Variants in ATRNL1 observed in about 807,000 individuals in gnomAD.
ATRNL1 encodes attractin like 1.
ATRNL1 carries 95 observed loss-of-function variants against 182.7 expected under a neutral mutation model. The observed-to-expected ratio is 0.52, with a 90% CI of 0.44 to 0.62. The LOEUF (loss-of-function observed/expected upper bound fraction) is 0.62, where lower values mean the gene tolerates loss of function less well. Among genes scored for constraint, ATRNL1 ranks in the 20% least tolerant of loss-of-function variants. ATRNL1 has a pLI of 0.00. For synonymous variants in ATRNL1, 576 were observed against 568.3 expected (o/e 1.01, Z -0.19); for missense variants, 1,471 against 1,679.5 (o/e 0.88, Z 2.17).
intron 27 of ATRNL1, among the ~76,000 whole-genome samples, chr10:115,846,890 T>G (rs1430873993): frequency 6.6e-6 from 1 of 152,136 alleles, no homozygotes; most frequent in Non-Finnish European, 1.5e-5. Context: ...CAAGCTTTGT[T>G]AACCTCTTGC....
At chr10:115,569,044 A>C (rs1016765400) in intron 26 of ATRNL1, among the ~76,000 whole-genome samples, 1 of 152,044 alleles carries the variant, frequency 6.6e-6, no homozygotes, top group African/African-American at 2.4e-5. Context: ...AAATCTTGGC[A>C]ATTAAAGGGT....
At chr10:115,336,595 CTG>C (rs1450462519) in intron 19 of ATRNL1, among the ~76,000 whole-genome samples, 1 of 152,108 alleles carries the variant, frequency 6.6e-6, no homozygotes, top group East Asian at 1.9e-4. Context: ...TCTCTGTAAA[CTG>C]TCGTGTATTT....
At chr10:115,775,633 A>G (rs966582370) in intron 27 of ATRNL1, among the ~76,000 whole-genome samples, 2 of 152,288 alleles carry the variant, frequency 1.3e-5, no homozygotes, top group South Asian at 2.1e-4. Flanking sequence ...TTAAAGCACA[A>G]TTTTATTTAA....
intron 27 of ATRNL1, chr10:115,819,773 C>G (rs1341336217): frequency 1.3e-5 from 2 of 152,036 alleles, no homozygotes; most frequent in East Asian, 3.9e-4. Flanking sequence ...TCTTCCACCC[C>G]AAGTCACTGG....
At chr10:115,883,354 T>A (rs1349244753) in intron 28 of ATRNL1, among the ~76,000 whole-genome samples, 1 of 152,242 alleles carries the variant, frequency 6.6e-6, no homozygotes, top group Non-Finnish European at 1.5e-5. Flanking sequence ...CTACAGCTGT[T>A]GGGAGTGAGG....
At chr10:115,336,522 G>T (rs1855487771) in intron 19 of ATRNL1, among the ~76,000 whole-genome samples, 1 of 152,124 alleles carries the variant, frequency 6.6e-6, no homozygotes, top group Non-Finnish European at 1.5e-5. Flanking sequence ...TTAATGTATT[G>T]ATTGCATAAT....
In ATRNL1 at chr10:115,113,261, C is replaced by A. The variant is rs1218108492; in HGVS notation, c.294-6924C>A. 2.0e-5 allele frequency among the ~76,000 whole-genome samples: 3 copies of A among 152,140 alleles called. 1 individual carries two copies. In the South Asian group the frequency reaches 6.2e-4, roughly 32 times the overall value. ...AGCCAAAACTTTAGCAGAAAAACACCTGGGAAAGCTTCACCAGAGAGTCCT... is the reference window on the plus strand; with the variant it reads ...AGCCAAAACTTTAGCAGAAAAACACATGGGAAAGCTTCACCAGAGAGTCCT... On this transcript the variant is annotated intron_variant, in intron 1 of 28. Transcript: ENST00000355044.
At chr10:115,230,896 A>C (rs1849902297) in intron 9 of ATRNL1, among the ~76,000 whole-genome samples, 1 of 149,306 alleles carries the variant, frequency 6.7e-6, no homozygotes, top group Admixed American at 6.7e-5. Context: ...AGAGAGAGAG[A>C]GAGAGAGAGA....
chr10:115,871,409 G>T (rs1951577105), intron 28 of ATRNL1, among the ~76,000 whole-genome samples: 1 of 148,214 alleles, frequency 6.7e-6, no homozygotes, highest in Non-Finnish European at 1.5e-5. Flanking sequence ...ATAGGTTGAG[G>T]TTATCAGAGT....
intron 27 of ATRNL1, among the ~76,000 whole-genome samples, chr10:115,739,267 G>A (rs1003833701): frequency 6.6e-5 from 10 of 152,184 alleles, no homozygotes; most frequent in Non-Finnish European, 1.5e-4. Context: ...TCACATCACA[G>A]CTGAATCAAT....
intron 28 of ATRNL1, among the ~76,000 whole-genome samples, chr10:115,914,375 T>C (rs916844450): frequency 6.6e-6 from 1 of 152,254 alleles, no homozygotes; most frequent in East Asian, 1.9e-4. Flanking sequence ...GTGTTGTCTA[T>C]TACACCTGTG....
intron 27 of ATRNL1, among the ~76,000 whole-genome samples, chr10:115,828,712 A>T (rs1555092713): frequency 6.6e-6 from 1 of 152,158 alleles, no homozygotes. Context: ...TCAGTGGCCT[A>T]GGGGGAGTTG....
At chr10:115,377,124 T>C (rs2134217679) in intron 19 of ATRNL1, among the ~76,000 whole-genome samples, 1 of 152,326 alleles carries the variant, frequency 6.6e-6, no homozygotes, top group East Asian at 1.9e-4. Flanking sequence ...TTTATAATTT[T>C]ATTTAATTGT....
At chr10:115,212,048 CA>C (rs1409240423) in intron 8 of ATRNL1, among the ~76,000 whole-genome samples, 4 of 150,892 alleles carry the variant, frequency 2.7e-5, no homozygotes, top group Admixed American at 6.6e-5. Context: ...ATTTTAGATT[CA>C]GGGGGTGAAT....
chr10:115,183,697 C>G (rs1847832168), intron 8 of ATRNL1, among the ~76,000 whole-genome samples: 2 of 151,360 alleles, frequency 1.3e-5, no homozygotes, highest in Non-Finnish European at 3.0e-5. Context: ...AGCACCAGGC[C>G]TAGATGATAC....
chr10:115,831,352 A>G lies in ATRNL1; in HGVS notation c.3904-16525A>G, dbSNP rs569289238. ...CTTTCATATTTGCAAGAGTGTACAG[A>G]ACTATTTGAGGAGAGAGAACTGGAG... On this transcript the variant is annotated intron_variant, in intron 27 of 28. Coordinates refer to ENST00000355044, the MANE Select transcript of ATRNL1 (RefSeq NM_207303.4). Among the ~76,000 whole-genome samples the G allele has an allele frequency of 2.0e-5, 3 of 152,258 alleles. No homozygotes were observed. The East Asian group carries it at 5.8e-4, about 29-fold the overall frequency.
chr10:115,844,808 T>A (rs1555098311), intron 27 of ATRNL1, among the ~76,000 whole-genome samples: 1 of 151,994 alleles, frequency 6.6e-6, no homozygotes, highest in South Asian at 2.1e-4. Context: ...CCAGGCCTTA[T>A]CTCTTTGAAA....
chr10:115,692,888 A>G (rs1376528823), intron 26 of ATRNL1, among the ~76,000 whole-genome samples: 2 of 152,066 alleles, frequency 1.3e-5, no homozygotes, highest in African/African-American at 4.8e-5. Flanking sequence ...CACAGATATA[A>G]CCTATGAGTA....
chr10:115,580,781 C>A (rs1427155231), intron 26 of ATRNL1, among the ~76,000 whole-genome samples: 1 of 151,138 alleles, frequency 6.6e-6, no homozygotes. Flanking sequence ...ATTATTTTTT[C>A]TACTTAGATT....
Sources: gnomAD v4.1 joint callset for allele counts (sites outside exome capture counted in the v4.1 genomes callset) on GRCh38, gnomAD v4.1.1 for gene constraint, MANE v1.5 for transcripts, NCBI Gene and HGNC (gene_info 2026-07-23, HGNC 2026-07-21) for gene names.